The following DEPDC4 variants were observed in gnomAD, a reference collection of about 807,000 sequenced individuals.
DEPDC4 encodes the protein DEP domain-containing protein 4.
In DEPDC4, 52 loss-of-function variants were observed where a neutral mutation model predicts 52.0. The observed-to-expected ratio is 1.00, with a 90% CI of 0.80 to 1.26. The LOEUF is 1.26. DEPDC4 is among the 50% of genes most tolerant of loss of function. The pLI is 0.00. For missense variants in DEPDC4, 530 were observed against 546.9 expected (o/e 0.97, Z 0.31); for synonymous variants, 201 against 196.8 (o/e 1.02, Z -0.18).
At chr12:100,270,202 G>A (rs2096286092), upstream of DEPDC4, among the ~76,000 whole-genome samples, 1 of 151,954 alleles carries the variant, frequency 6.6e-6, no homozygotes, top group Non-Finnish European at 1.5e-5. Context: ...TAGGCAGGAG[G>A]GTCTCGATCT....
intron 8 of DEPDC4, among the ~76,000 whole-genome samples, chr12:100,248,472 T>C (rs982953376): frequency 6.6e-6 from 1 of 152,156 alleles, no homozygotes; most frequent in Non-Finnish European, 1.5e-5. Context: ...AAAAGAATCA[T>C]GGAGTCTATT....
the DEPDC4 span, among the ~76,000 whole-genome samples, chr12:100,281,501 G>C: frequency 6.6e-6 from 1 of 151,940 alleles, no homozygotes; most frequent in African/African-American, 2.4e-5. Flanking sequence ...GACCAGCCTG[G>C]GCAGCATAGC....
At chr12:100,268,371 T>C (rs1373316944), upstream of DEPDC4, among the ~76,000 whole-genome samples, 1 of 152,184 alleles carries the variant, frequency 6.6e-6, no homozygotes, top group Non-Finnish European at 1.5e-5. Flanking sequence ...AGTCAGGTGC[T>C]TGAAGATTCC....
At chr12:100,258,435 T>A (rs548493546) in intron 3 of DEPDC4, among the ~76,000 whole-genome samples, 1 of 152,116 alleles carries the variant, frequency 6.6e-6, no homozygotes, top group African/African-American at 2.4e-5. Flanking sequence ...AAATCACCAA[T>A]GAAATAAAAA....
At chr12:100,277,106 G>A in the DEPDC4 span, among the ~76,000 whole-genome samples, 15 of 152,002 alleles carry the variant, frequency 9.9e-5, no homozygotes, top group Non-Finnish European at 1.9e-4. Flanking sequence ...AAAGAGAATC[G>A]TTTGTATTAT....
chr12:100,251,031 GA>G (rs374433657), intron 7 of DEPDC4, among the ~76,000 whole-genome samples: 6 of 151,578 alleles, frequency 4.0e-5, no homozygotes, highest in Non-Finnish European at 5.9e-5. Flanking sequence ...GTAAATAATG[GA>G]AAAAAAAGTT....
chr12:100,243,130 TAGAGTA>T (rs1230792285), intron 8 of DEPDC4, among the ~76,000 whole-genome samples: 6 of 152,196 alleles, frequency 3.9e-5, no homozygotes, highest in Non-Finnish European at 8.8e-5. Context: ...AACAATATAT[TAGAGTA>T]AAAGTTATGT....
upstream of DEPDC4, among the ~76,000 whole-genome samples, chr12:100,271,224 C>G (rs2135786427): frequency 7.2e-6 from 1 of 138,892 alleles, no homozygotes; most frequent in South Asian, 2.2e-4. Flanking sequence ...AAGGCCAACT[C>G]TGGCCTTAAA....
chr12:100,238,726 A>G (rs1403413458), downstream of DEPDC4, among the ~76,000 whole-genome samples: 2 of 151,890 alleles, frequency 1.3e-5, no homozygotes, highest in Non-Finnish European at 2.9e-5. Context: ...GGCTCAAGGC[A>G]TCTACCCACT....
At chr12:100,259,999 G>GC (rs2096248100) in intron 3 of DEPDC4, among the ~76,000 whole-genome samples, 1 of 149,654 alleles carries the variant, frequency 6.7e-6, no homozygotes, top group Admixed American at 6.7e-5. Context: ...ACTATAAAAT[G>GC]CAAGTTTTAC....
downstream of DEPDC4, among the ~76,000 whole-genome samples, chr12:100,235,257 C>T (rs2096139588): frequency 1.3e-5 from 2 of 151,744 alleles, no homozygotes; most frequent in South Asian, 2.1e-4. Flanking sequence ...ATCTAGAATA[C>T]TCATCTGATA....
At chr12:100,257,470 G>A (rs968863540) in intron 3 of DEPDC4, among the ~76,000 whole-genome samples, 7 of 152,056 alleles carry the variant, frequency 4.6e-5, no homozygotes, top group Non-Finnish European at 2.9e-5. Context: ...CTGCCTCCCA[G>A]GTTCAGGAGG....
chr12:100,257,634 C>G (rs1286697296), intron 3 of DEPDC4: 1 of 152,246 alleles, frequency 6.6e-6, no homozygotes, highest in Non-Finnish European at 1.5e-5. Context: ...CTTGGCCTCC[C>G]AAAGTGCTGA....
intron 3 of DEPDC4, among the ~76,000 whole-genome samples, chr12:100,260,644 G>T (rs1181140412): frequency 6.6e-6 from 1 of 150,748 alleles, no homozygotes; most frequent in Non-Finnish European, 1.5e-5. Context: ...GGGAGGCCAA[G>T]GCGGGTGGAT....
In DEPDC4 at chr12:100,263,487, T is replaced by C. The variant is rs17030066; in HGVS notation, c.554+10A>G. The C allele has an allele frequency of 6.4e-7, 1 of 1,557,106 alleles. No individual in the cohort carries two copies. The highest frequency in any genetic ancestry group is 1.3e-5 in the South Asian group (1 of 79,830). Reference sequence around the variant, plus strand: ...ATAAAATATATTACAGTATCTTAGGTAACACTAACCTCAAGGTTTCATTGA... The same window carrying C: ...ATAAAATATATTACAGTATCTTAGGCAACACTAACCTCAAGGTTTCATTGA... On this transcript the variant is annotated intron_variant, in intron 2 of 9. Transcript: ENST00000550587.
intron 3 of DEPDC4, chr12:100,257,845 T>G (rs1333126614): frequency 6.6e-6 from 1 of 152,238 alleles, no homozygotes; most frequent in Non-Finnish European, 1.5e-5. Flanking sequence ...GTAAGTTTCT[T>G]GCAGAGCTCC....
At chr12:100,251,651 T>G (rs181024054) in intron 7 of DEPDC4, among the ~76,000 whole-genome samples, 5 of 151,570 alleles carry the variant, frequency 3.3e-5, no homozygotes, top group African/African-American at 1.2e-4. Flanking sequence ...CATTGCAACC[T>G]CCGCCTCCCA....
upstream of DEPDC4, among the ~76,000 whole-genome samples, chr12:100,269,088 A>T (rs1034394826): frequency 1.4e-4 from 21 of 152,178 alleles, no homozygotes. Flanking sequence ...CAAAATGCAG[A>T]CCTAATAACA....
At chr12:100,244,339 C>T (rs1203102854) in intron 8 of DEPDC4, among the ~76,000 whole-genome samples, 2 of 151,162 alleles carry the variant, frequency 1.3e-5, no homozygotes, top group Non-Finnish European at 2.9e-5. Context: ...CGCCACCAGG[C>T]CAGGCTAATT....
Sources: allele counts gnomAD v4.1 joint callset (sites outside exome capture counted in the v4.1 genomes callset), GRCh38; gene constraint gnomAD v4.1.1; transcripts MANE v1.5; gene names NCBI Gene and HGNC (gene_info 2026-07-23, HGNC 2026-07-21).